DCDC2C: variants seen among roughly 807,000 people sequenced by gnomAD.
The protein encoded by DCDC2C is doublecortin domain containing 2C.
Under a neutral mutation model 45.0 loss-of-function variants are expected in DCDC2C, and 44 were observed. That is an observed-to-expected ratio of 0.98 (90% confidence interval 0.77 to 1.26). DCDC2C has a LOEUF of 1.26. Among genes scored for constraint, DCDC2C ranks in the 50% most tolerant of loss-of-function variants. DCDC2C has a pLI of 0.00. For missense variants in DCDC2C, 447 were observed against 468.9 expected (o/e 0.95, Z 0.43); for synonymous variants, 187 against 178.8 (o/e 1.05, Z -0.37).
At chr2:3,762,934 G>C (rs1669920516) in intron 6 of DCDC2C, among the ~76,000 whole-genome samples, 1 of 152,158 alleles carries the variant, frequency 6.6e-6, no homozygotes, top group Admixed American at 6.5e-5. Flanking sequence ...GGCTGCCTGG[G>C]AAGGGGATGG....
At chr2:3,741,698 C>CCCCCCCCCCCCCG (rs1160807768) in intron 3 of DCDC2C, among the ~76,000 whole-genome samples, 1 of 151,820 alleles carries the variant, frequency 6.6e-6, no homozygotes, top group African/African-American at 2.4e-5. Flanking sequence ...CACACATACA[C>CCCCCCCCCCCCCG]ACACACACAT....
intron 4 of DCDC2C, among the ~76,000 whole-genome samples, chr2:3,751,463 C>T (rs1210405012): frequency 1.3e-5 from 2 of 152,214 alleles, no homozygotes; most frequent in Non-Finnish European, 2.9e-5. Context: ...GTCTTGACGC[C>T]TCCAGGGTCG....
intron 9 of DCDC2C, among the ~76,000 whole-genome samples, chr2:3,779,121 C>T (rs1012397162): frequency 1.6e-4 from 24 of 152,344 alleles, no homozygotes; most frequent in African/African-American, 2.4e-4. Context: ...AATTACTTTC[C>T]GCTCTACTTC....
intron 2 of DCDC2C, among the ~76,000 whole-genome samples, chr2:3,711,626 G>A (rs532526664): frequency 2.6e-5 from 4 of 152,152 alleles, no homozygotes; most frequent in Admixed American, 1.3e-4. Flanking sequence ...GATTTTTAAT[G>A]CCTGAAAACT....
intron 10 of DCDC2C, among the ~76,000 whole-genome samples, chr2:3,811,169 G>T (rs962301062): frequency 1.3e-5 from 2 of 152,164 alleles, no homozygotes; most frequent in Admixed American, 6.5e-5. Flanking sequence ...ATTACTTTGG[G>T]CAGTATGGCC....
chr2:3,820,289 C>T (rs926163843), intron 10 of DCDC2C, among the ~76,000 whole-genome samples: 4 of 152,058 alleles, frequency 2.6e-5, no homozygotes, highest in Non-Finnish European at 4.4e-5. Context: ...AAATAAGACG[C>T]TTAAGTTTTA....
intron 4 of DCDC2C, among the ~76,000 whole-genome samples, chr2:3,751,792 C>T (rs1209905675): frequency 1.3e-5 from 2 of 152,202 alleles, no homozygotes; most frequent in Non-Finnish European, 2.9e-5. Flanking sequence ...GGCAATTCTT[C>T]CTCAGTCACA....
intron 2 of DCDC2C, among the ~76,000 whole-genome samples, chr2:3,711,918 C>G (rs986059174): frequency 6.6e-6 from 1 of 152,214 alleles, no homozygotes; most frequent in South Asian, 2.1e-4. Context: ...GGGGATGGAG[C>G]AGTATCATGT....
At chr2:3,787,379 T>C (rs1381242279) in intron 10 of DCDC2C, among the ~76,000 whole-genome samples, 2 of 152,332 alleles carry the variant, frequency 1.3e-5, no homozygotes, top group East Asian at 3.9e-4. Context: ...GTGTAAAGAT[T>C]AGAAGTATTT....
intron 10 of DCDC2C, among the ~76,000 whole-genome samples, chr2:3,799,781 C>G (rs1671063852): frequency 6.6e-6 from 1 of 152,290 alleles, no homozygotes; most frequent in South Asian, 2.1e-4. Context: ...AGCTGTCAGA[C>G]AGGGACATTT....
chr2:3,749,095 GT>G (rs1377364192), intron 4 of DCDC2C, among the ~76,000 whole-genome samples: 8 of 152,250 alleles, frequency 5.3e-5, no homozygotes, highest in African/African-American at 1.7e-4. Flanking sequence ...CAAATTGGCT[GT>G]TTTATTGGTA....
intron 4 of DCDC2C, among the ~76,000 whole-genome samples, chr2:3,745,720 G>C (rs116678884): frequency 6.6e-6 from 1 of 152,036 alleles, no homozygotes; most frequent in Non-Finnish European, 1.5e-5. Context: ...GGTTAGAAAC[G>C]AAGACAGTTC....
At chr2:3,836,824 T>C (rs564452057) in intron 10 of DCDC2C, among the ~76,000 whole-genome samples, 27 of 145,786 alleles carry the variant, frequency 1.9e-4, no homozygotes, top group Admixed American at 4.2e-4. Flanking sequence ...ATCGCGCCAC[T>C]GCACTCCAGC....
At chr2:3,793,349 C>G (rs1189935163) in intron 10 of DCDC2C, among the ~76,000 whole-genome samples, 1 of 152,222 alleles carries the variant, frequency 6.6e-6, no homozygotes, top group East Asian at 1.9e-4. Context: ...AAACATCCTT[C>G]AGTGCCGCCT....
rs1193068216 is a variant in DCDC2C at position 3,778,900 on chromosome 2, T to G, written c.1023+16T>G. 6.5e-7 allele frequency: 1 copy of G among 1,550,206 alleles called. No homozygotes were observed. The highest frequency in any genetic ancestry group is 8.7e-7 in the Non-Finnish European group (1 of 1,146,544). ...GGGCAACAAGGTGAGTTCATTTTATTTTGTGTTTAATGGCTTGGATCTAAG... is the reference window on the plus strand; with the variant it reads ...GGGCAACAAGGTGAGTTCATTTTATGTTGTGTTTAATGGCTTGGATCTAAG... On this transcript the variant is annotated intron_variant, in intron 9 of 10. Coordinates refer to ENST00000399143, the MANE Select transcript of DCDC2C (RefSeq NM_001287444.2).
intron 10 of DCDC2C, among the ~76,000 whole-genome samples, chr2:3,845,024 G>A (rs1672294915): frequency 6.6e-6 from 1 of 152,122 alleles, no homozygotes; most frequent in African/African-American, 2.4e-5. Flanking sequence ...TGCCGATATA[G>A]GTATATATAT....
At chr2:3,751,257 G>A (rs1396241817) in intron 4 of DCDC2C, among the ~76,000 whole-genome samples, 2 of 152,192 alleles carry the variant, frequency 1.3e-5, no homozygotes, top group Admixed American at 1.3e-4. Flanking sequence ...CCCTAGTGAG[G>A]CTTCTGCATG....
chr2:3,769,464 C>T, intron 8 of DCDC2C, 53 bp downstream of exon 8: 2 of 1,474,346 alleles, frequency 1.4e-6, no homozygotes, highest in East Asian at 5.0e-5. Context: ...TCCATCAGCT[C>T]CTGCCCGCCT....
At chr2:3,753,946 G>A (rs550420317) in intron 5 of DCDC2C, among the ~76,000 whole-genome samples, 13 of 152,084 alleles carry the variant, frequency 8.5e-5, no homozygotes, top group South Asian at 2.1e-4. Context: ...GACTTAATTC[G>A]TGCTAATAGT....
Sources: allele counts gnomAD v4.1 joint callset (sites outside exome capture counted in the v4.1 genomes callset), GRCh38; gene constraint gnomAD v4.1.1; transcripts MANE v1.5; gene names NCBI Gene and HGNC (gene_info 2026-07-23, HGNC 2026-07-21).